The following POLR2F variants were observed in gnomAD, a reference collection of about 807,000 sequenced individuals.
POLR2F encodes the protein RNA polymerase II, I and III subunit F.
In POLR2F, 12 loss-of-function variants were observed where a neutral mutation model predicts 22.7. The ratio of observed to expected loss-of-function variants is 0.53; its 90% CI spans 0.34 to 0.86. The LOEUF is 0.86. Ranked by LOEUF, POLR2F falls within the 40% of genes least tolerant of loss-of-function variation. POLR2F has a pLI of 0.02. For synonymous variants in POLR2F, 57 were observed against 66.0 expected (o/e 0.86, Z 0.66); for missense variants, 126 against 171.5 (o/e 0.73, Z 1.48).
chr22:37,957,711 T>C (rs911604879), intron 2 of POLR2F, among the ~76,000 whole-genome samples: 8 of 152,236 alleles, frequency 5.3e-5, no homozygotes, highest in African/African-American at 1.9e-4. Context: ...TTCAGCCCTG[T>C]CTGCATTTTT....
chr22:38,041,669 A>G (rs1328774539), downstream of POLR2F: 1 of 152,606 alleles, frequency 6.6e-6, no homozygotes, highest in Non-Finnish European at 1.5e-5. Flanking sequence ...TAAGTCTGCA[A>G]TATTGGAATA....
chr22:37,978,215 A>T lies in POLR2F; in HGVS notation c.293+11045A>T. 2 of 1,403,626 alleles carry T rather than the reference A, an allele frequency of 1.4e-6. No homozygotes were observed. The highest frequency in any genetic ancestry group is 1.9e-6 in the Non-Finnish European group (2 of 1,065,468). The allele number at this position is 1,403,626 out of a possible 1,614,324, so 86.9% of individuals were successfully genotyped here. On this transcript the variant is annotated intron_variant, in intron 4 of 4. Transcript: ENST00000405557. The surrounding 1 kb of genome is among the most constrained non-coding windows in gnomAD (Gnocchi z 5.0). The stretch of plus-strand genomic sequence containing the variant: ...AGCACTCCAGGTTGGCCTCCCTCTG[A>T]GTGTCCATCTTGGAAGATGTGAGGC...
chr22:37,956,676 G>A (rs995824269), intron 1 of POLR2F, 97 bp from the exon 2 acceptor site: 11 of 996,856 alleles, frequency 1.1e-5, no homozygotes, highest in South Asian at 4.0e-5. Context: ...TTCAATCTCC[G>A]AAAGTACCAG....
intron 1 of POLR2F, among the ~76,000 whole-genome samples, chr22:37,999,317 C>T (rs987857371): frequency 3.3e-5 from 5 of 152,276 alleles, no homozygotes; most frequent in East Asian, 1.9e-4. Context: ...GCTGCAGGCA[C>T]CTTTGGCCGC....
intron 5 of POLR2F, chr22:38,040,796 T>C (rs971767190): frequency 8.0e-5 from 39 of 490,342 alleles, no homozygotes; most frequent in Middle Eastern, 5.1e-4. Flanking sequence ...CATGTTGTGA[T>C]GGTGAAGGGA....
In POLR2F at chr22:37,986,719, G is replaced by A. The variant is rs1932591940; in HGVS notation, c.120+407G>A. On this transcript the variant is annotated intron_variant, in intron 1 of 2. Transcript: ENST00000333418. The surrounding 1 kb of genome is among the most constrained non-coding windows in gnomAD (Gnocchi z 4.7). ...TGGGCCTGCAGGGCGGGTGGGAAGGGCTGTCAGATGACCAGTGCTGTGTGT... is the reference window on the plus strand; with the variant it reads ...TGGGCCTGCAGGGCGGGTGGGAAGGACTGTCAGATGACCAGTGCTGTGTGT... The A allele has an allele frequency of 2.0e-6, 1 of 494,430 alleles. No homozygotes were observed. Among genetic ancestry groups the A allele is most frequent in the Non-Finnish European group, 4.0e-6 (1 of 252,738 alleles). 30.6% of individuals were successfully genotyped at this position (494,430 alleles called of 1,614,324 possible).
chr22:37,991,852 T>C (rs1394914072), intron 1 of POLR2F, among the ~76,000 whole-genome samples: 1 of 152,216 alleles, frequency 6.6e-6, no homozygotes, highest in Non-Finnish European at 1.5e-5. Context: ...ATTGTCCTCC[T>C]GCATTGTCCC....
intron 1 of POLR2F, among the ~76,000 whole-genome samples, chr22:38,003,577 A>ATT (rs57426161): frequency 7.3e-6 from 1 of 137,134 alleles, no homozygotes; most frequent in South Asian, 2.3e-4. Context: ...CAGTCAGCCT[A>ATT]TTTTTTTTTT....
chr22:37,977,909 C>T (rs1184710380), intron 4 of POLR2F: 13 of 1,613,086 alleles, frequency 8.1e-6, no homozygotes, highest in Non-Finnish European at 1.1e-5. Flanking sequence ...GGGGAGCCCT[C>T]TCCTGGGTGC....
In POLR2F at chr22:38,005,609, G is replaced by A. The variant is rs2084813967; in HGVS notation, c.120+19297G>A. On this transcript the variant is annotated intron_variant, in intron 1 of 2. Coordinates refer to the POLR2F transcript ENST00000333418. ...CACCAGCAAAACATTACGATGGAAG[G>A]CAGTTGGTGATAGATCGGGTGTGCA... 2.0e-5 allele frequency among the ~76,000 whole-genome samples: 3 copies of A among 152,246 alleles called. No individual in the cohort carries two copies. In the South Asian group the frequency reaches 6.2e-4, roughly 31 times the overall value.
At chr22:37,970,531 C>CAGG (rs1319276608), downstream of POLR2F, among the ~76,000 whole-genome samples, 1 of 144,192 alleles carries the variant, frequency 6.9e-6, no homozygotes, top group Non-Finnish European at 1.5e-5. Flanking sequence ...CACTTGAACC[C>CAGG]AGGAGACAGA....
In POLR2F at chr22:37,968,819, G is replaced by A. The variant is rs1451220900; in HGVS notation, c.*1104G>A. 2 of 985,578 alleles carry A rather than the reference G, an allele frequency of 2.0e-6. No homozygotes were observed. Among genetic ancestry groups the A allele is most frequent in the Non-Finnish European group, 2.4e-6 (2 of 830,024 alleles). The allele number at this position is 985,578 out of a possible 1,614,324, so 61.1% of individuals were successfully genotyped here. Reference sequence around the variant, plus strand: ...GGCCTCCAGGCCTAGGTGCAGCCTGGCCCTGGGATGGGATGTGGGGAGTGA... The same window carrying A: ...GGCCTCCAGGCCTAGGTGCAGCCTGACCCTGGGATGGGATGTGGGGAGTGA... On this transcript the variant is annotated 3_prime_UTR_variant, in exon 5 of 5. Coordinates refer to ENST00000442738, the MANE Select transcript of POLR2F (RefSeq NM_021974.5).
At chr22:37,960,892 A>T (rs1423698223) in intron 3 of POLR2F, among the ~76,000 whole-genome samples, 1 of 135,624 alleles carries the variant, frequency 7.4e-6, no homozygotes, top group East Asian at 2.2e-4. Context: ...TCTGTCGCCC[A>T]AGCTGGAGTG....
downstream of POLR2F, chr22:37,970,975 G>T (rs1225379624): frequency 7.1e-6 from 2 of 280,634 alleles, no homozygotes; most frequent in East Asian, 1.9e-4. Flanking sequence ...TTTTGGGGAG[G>T]TTGCTTGAAG....
At chr22:37,960,461 G>A (rs1462564089) in intron 3 of POLR2F, among the ~76,000 whole-genome samples, 2 of 151,940 alleles carry the variant, frequency 1.3e-5, no homozygotes, top group Non-Finnish European at 2.9e-5. Context: ...GCAGTGGCGC[G>A]TTCTCCGCTC....
At chr22:37,983,321 A>T (rs1932458375), upstream of POLR2F, 2 of 1,580,460 alleles carry the variant, frequency 1.3e-6, no homozygotes, top group South Asian at 2.3e-5. The surrounding 1 kb of genome is among the most constrained non-coding windows in gnomAD (Gnocchi z 9.5). Context: ...ACCCGAAGCT[A>T]GAGGGCCCGA....
chr22:38,031,175 C>T (rs541990909), downstream of POLR2F, among the ~76,000 whole-genome samples: 24 of 152,200 alleles, frequency 1.6e-4, no homozygotes, highest in African/African-American at 4.1e-4. This position sits in a 1 kb window ranked among gnomAD's most constrained non-coding sequence, Gnocchi z 4.1. Flanking sequence ...GGGTTAAGAG[C>T]GAGAGTTTGG....
chr22:37,997,923 C>T lies in POLR2F; in HGVS notation c.120+11611C>T, dbSNP rs964951142. Among the ~76,000 whole-genome samples the T allele has an allele frequency of 2.0e-5, 3 of 152,206 alleles. No individual in the cohort carries two copies. Among genetic ancestry groups the T allele is most frequent in the Non-Finnish European group, 2.9e-5 (2 of 68,034 alleles). On this transcript the variant is annotated intron_variant, in intron 1 of 2. Transcript: ENST00000333418. This position sits in a 1 kb window ranked among gnomAD's most constrained non-coding sequence, Gnocchi z 4.4. Reference sequence around the variant, plus strand: ...ATGGACCGCAGGATTTGTACCATCTCCTGGCGCGAGAGCCAGGGTTGCCCA... The same window carrying T: ...ATGGACCGCAGGATTTGTACCATCTTCTGGCGCGAGAGCCAGGGTTGCCCA...
At chr22:37,954,803 G>GT (rs1931303276) in intron 1 of POLR2F, among the ~76,000 whole-genome samples, 1 of 152,194 alleles carries the variant, frequency 6.6e-6, no homozygotes, top group Non-Finnish European at 1.5e-5. Context: ...CCCATTCCCA[G>GT]TGAGTGTCAG....
Sources: allele counts gnomAD v4.1 joint callset (sites outside exome capture counted in the v4.1 genomes callset), GRCh38; gene constraint gnomAD v4.1.1; non-coding constraint Gnocchi (gnomAD v3.1); transcripts MANE v1.5; gene names NCBI Gene and HGNC (gene_info 2026-07-23, HGNC 2026-07-21).